PRELID2: variants seen among roughly 807,000 people sequenced by gnomAD.
PRELID2 encodes PRELI domain-containing protein 2.
A neutral mutation model predicts 28.4 loss-of-function variants in PRELID2; 25 were observed. The ratio of observed to expected loss-of-function variants is 0.88; its 90% CI spans 0.64 to 1.23. PRELID2 has a LOEUF of 1.23. Ranked by LOEUF, PRELID2 falls within the 50% of genes most tolerant of loss-of-function variation. PRELID2 has a pLI of 0.00. For missense variants in PRELID2, 201 were observed against 214.4 expected, an observed-to-expected ratio of 0.94 and a Z score of 0.39; for synonymous variants, 76 against 71.6, an observed-to-expected ratio of 1.06 and a Z score of -0.31.
At chr5:145,734,699 C>G (rs988115752) in intron 1 of PRELID2, among the ~76,000 whole-genome samples, 2 of 152,184 alleles carry the variant, frequency 1.3e-5, no homozygotes, top group Non-Finnish European at 2.9e-5. Context: ...GAATCACTAC[C>G]TGCCAGGGAC....
At chr5:145,576,676 T>TAAAAAA (rs61665534) in intron 1 of PRELID2, among the ~76,000 whole-genome samples, 3 of 141,436 alleles carry the variant, frequency 2.1e-5, no homozygotes, top group African/African-American at 2.6e-5. Context: ...AGCACAATAG[T>TAAAAAA]AAAAAAAAAA....
intron 1 of PRELID2, among the ~76,000 whole-genome samples, chr5:145,578,749 A>G (rs1753083405): frequency 6.6e-6 from 1 of 152,112 alleles, no homozygotes; most frequent in Non-Finnish European, 1.5e-5. Flanking sequence ...GTACCTATTT[A>G]TTTGTGAGTG....
At chr5:145,387,693 A>T in the PRELID2 span, among the ~76,000 whole-genome samples, 2 of 152,170 alleles carry the variant, frequency 1.3e-5, no homozygotes, top group African/African-American at 4.8e-5. Flanking sequence ...GCACTTTGGG[A>T]GGCCAAGGTG....
rs534572329 is a variant in PRELID2 at position 145,530,329 on chromosome 5, C to T, written n.71-57014G>A. Among the ~76,000 whole-genome samples, 50 of 152,194 alleles carry T rather than the reference C, an allele frequency of 3.3e-4. 1 individual carries two copies. The South Asian group carries it at 1.0e-2, about 30-fold the overall frequency. ...CTTTTGACCTTATGATGCTCCCAGT[C>T]ACATTGGGATCACATTTAAATAATT... On this transcript the variant is annotated intron_variant and non_coding_transcript_variant, in intron 1 of 2. Coordinates refer to the PRELID2 transcript ENST00000510259.
At chr5:145,280,110 G>A in the PRELID2 span, among the ~76,000 whole-genome samples, 1 of 152,072 alleles carries the variant, frequency 6.6e-6, no homozygotes, top group Admixed American at 6.6e-5. Flanking sequence ...TTAGCAATTG[G>A]CTATCTTATT....
At chr5:145,502,637 G>C (rs1027328538) in intron 1 of PRELID2, among the ~76,000 whole-genome samples, 4 of 152,034 alleles carry the variant, frequency 2.6e-5, no homozygotes, top group Admixed American at 2.0e-4. Context: ...AGATCTTTGA[G>C]GGCAGAGACC....
At chr5:145,698,191 G>A (rs1755325607) in intron 1 of PRELID2, among the ~76,000 whole-genome samples, 1 of 151,930 alleles carries the variant, frequency 6.6e-6, no homozygotes, top group African/African-American at 2.4e-5. Context: ...TATTCATTCG[G>A]AAAATTCTGA....
chr5:145,797,086 T>C (rs911576942), intron 4 of PRELID2, among the ~76,000 whole-genome samples: 1 of 152,148 alleles, frequency 6.6e-6, no homozygotes, highest in Non-Finnish European at 1.5e-5. Context: ...AAGAGATATG[T>C]CACCATCTCT....
At chr5:145,540,025 G>GA (rs1229606792) in intron 1 of PRELID2, among the ~76,000 whole-genome samples, 6 of 151,434 alleles carry the variant, frequency 4.0e-5, no homozygotes, top group Admixed American at 1.3e-4. Context: ...ATATAATTAG[G>GA]AAAAAAAGTA....
the PRELID2 span, among the ~76,000 whole-genome samples, chr5:145,336,560 G>C: frequency 2.0e-5 from 3 of 151,926 alleles, no homozygotes; most frequent in Non-Finnish European, 4.4e-5. Context: ...TTTTTCTCAG[G>C]TTTGTCAAAG....
the PRELID2 span, among the ~76,000 whole-genome samples, chr5:145,265,300 T>G: frequency 6.6e-6 from 1 of 152,084 alleles, no homozygotes; most frequent in Non-Finnish European, 1.5e-5. Context: ...TCCAAAACAC[T>G]GCTGAAAGAA....
chr5:145,712,709 AC>A (rs982333070), intron 1 of PRELID2, among the ~76,000 whole-genome samples: 3 of 152,236 alleles, frequency 2.0e-5, no homozygotes, highest in Non-Finnish European at 2.9e-5. Flanking sequence ...ATGGAAGCAG[AC>A]CCAGATATGG....
chr5:145,291,529 T>A, the PRELID2 span, among the ~76,000 whole-genome samples: 1 of 151,994 alleles, frequency 6.6e-6, no homozygotes, highest in African/African-American at 2.4e-5. Flanking sequence ...GATTTTGAAC[T>A]GCTAGCCTCC....
intron 2 of PRELID2, among the ~76,000 whole-genome samples, chr5:145,820,458 C>T (rs1415135542): frequency 2.6e-5 from 4 of 152,072 alleles, no homozygotes; most frequent in African/African-American, 7.2e-5. Flanking sequence ...ACTCCAATGA[C>T]GATGACCAGT....
chr5:145,626,303 G>C (rs1420238338), intron 1 of PRELID2, among the ~76,000 whole-genome samples: 9 of 152,108 alleles, frequency 5.9e-5, no homozygotes, highest in African/African-American at 2.2e-4. Context: ...CTAGTATCCA[G>C]AATCTACAAG....
At chr5:145,533,835 G>T (rs559953803) in intron 1 of PRELID2, among the ~76,000 whole-genome samples, 36 of 151,992 alleles carry the variant, frequency 2.4e-4, no homozygotes, top group African/African-American at 3.4e-4. Flanking sequence ...GCAGCCTATT[G>T]CTAGTCAAAG....
At chr5:145,668,680 A>G (rs951185710) in intron 1 of PRELID2, among the ~76,000 whole-genome samples, 8 of 152,164 alleles carry the variant, frequency 5.3e-5, no homozygotes, top group African/African-American at 1.9e-4. Flanking sequence ...CAATGGAACA[A>G]GTATAACTAT....
At chr5:145,817,198 A>AAAAAAAAATAT (rs1365517052) in intron 4 of PRELID2, among the ~76,000 whole-genome samples, 4 of 70,076 alleles carry the variant, frequency 5.7e-5, no homozygotes, top group African/African-American at 1.3e-4. Context: ...TTCAAAAAAA[A>AAAAAAAAATAT]ATAAATAAAT....
chr5:145,726,212 AGAAGAAAG>A (rs1756146114), intron 1 of PRELID2, among the ~76,000 whole-genome samples: 1 of 124,346 alleles, frequency 8.0e-6, no homozygotes, highest in Admixed American at 8.3e-5. Flanking sequence ...AGCGAAAGAG[AGAAGAAAG>A]GAAGGAAGGA....
Sources: gnomAD v4.1 joint callset for allele counts (sites outside exome capture counted in the v4.1 genomes callset) on GRCh38, gnomAD v4.1.1 for gene constraint, MANE v1.5 for transcripts, NCBI Gene and HGNC (gene_info 2026-07-23, HGNC 2026-07-21) for gene names.